Variants in TMEM163 observed in about 807,000 individuals in gnomAD.
TMEM163 encodes transmembrane protein 163.
Under a neutral mutation model 29.3 loss-of-function variants are expected in TMEM163, and 17 were observed. The ratio of observed to expected loss-of-function variants is 0.58; its 90% CI spans 0.40 to 0.87. The LOEUF (loss-of-function observed/expected upper bound fraction) is 0.87. Ranked by LOEUF, TMEM163 falls within the 40% of genes least tolerant of loss-of-function variation. The pLI is 0.00. For missense variants in TMEM163, 303 were observed against 381.5 expected (o/e 0.79, Z 1.71); for synonymous variants, 157 against 160.6 (o/e 0.98, Z 0.17).
chr2:134,521,209 G>A (rs938973787), intron 4 of TMEM163, among the ~76,000 whole-genome samples: 1 of 152,134 alleles, frequency 6.6e-6, no homozygotes, highest in Admixed American at 6.5e-5. Context: ...GAGTTAGCCA[G>A]GATGATCTTG....
At position 134,520,055 on chromosome 2, in the gene TMEM163, G is replaced by A. The variant is rs1307951738; in HGVS notation, c.459-17058C>T. Reference sequence around the variant, plus strand: ...CATGCCAACATAAAGATGAAGGGGCGTGGAGGAAGAAAACCTCATTCTCAT... The same window carrying A: ...CATGCCAACATAAAGATGAAGGGGCATGGAGGAAGAAAACCTCATTCTCAT... On this transcript the variant is annotated intron_variant, in intron 4 of 7. Coordinates refer to ENST00000281924, the MANE Select transcript of TMEM163 (RefSeq NM_030923.5). 1.3e-4 allele frequency among the ~76,000 whole-genome samples: 20 copies of A among 152,214 alleles called. No homozygotes were observed. The East Asian group carries it at 2.9e-3, about 22-fold the overall frequency.
intron 2 of TMEM163, among the ~76,000 whole-genome samples, chr2:134,616,164 G>A (rs1364985387): frequency 6.6e-6 from 1 of 152,184 alleles, no homozygotes; most frequent in Non-Finnish European, 1.5e-5. Context: ...TTTTTGAGAT[G>A]CTCAACGTAT....
chr2:134,517,631 A>C (rs1386447172), intron 4 of TMEM163, among the ~76,000 whole-genome samples: 1 of 152,216 alleles, frequency 6.6e-6, no homozygotes, highest in Non-Finnish European at 1.5e-5. Flanking sequence ...TCTTGTCATT[A>C]ACTTGGAAAA....
At chr2:134,655,831 C>T (rs1315937112) in intron 2 of TMEM163, among the ~76,000 whole-genome samples, 1 of 141,704 alleles carries the variant, frequency 7.1e-6, no homozygotes, top group Admixed American at 6.9e-5. Context: ...TCTGCCCCTG[C>T]TGGGGGGTGC....
At chr2:134,680,888 G>A (rs2104875322) in intron 2 of TMEM163, among the ~76,000 whole-genome samples, 1 of 152,300 alleles carries the variant, frequency 6.6e-6, no homozygotes, top group East Asian at 1.9e-4. Flanking sequence ...GTTGTCATGA[G>A]AATTACACAA....
At chr2:134,648,864 G>A (rs1050720674) in intron 2 of TMEM163, among the ~76,000 whole-genome samples, 1 of 152,066 alleles carries the variant, frequency 6.6e-6, no homozygotes, top group Non-Finnish European at 1.5e-5. Context: ...TAAATGATTC[G>A]CTTCAACCAG....
At chr2:134,709,670 C>T (rs1684885637) in intron 2 of TMEM163, among the ~76,000 whole-genome samples, 1 of 145,554 alleles carries the variant, frequency 6.9e-6, no homozygotes, top group Non-Finnish European at 1.5e-5. Context: ...CTGAATGGCC[C>T]TCTCCTCTCA....
intron 2 of TMEM163, among the ~76,000 whole-genome samples, chr2:134,681,039 C>A (rs1684219608): frequency 6.6e-6 from 1 of 152,202 alleles, no homozygotes; most frequent in Non-Finnish European, 1.5e-5. Flanking sequence ...ATCTTTATAA[C>A]CACTTGGATC....
chr2:134,713,481 A>G, intron 1 of TMEM163, 162 bp from the exon 2 acceptor site: 1 of 1,059,462 alleles, frequency 9.4e-7, no homozygotes, highest in South Asian at 1.3e-5. Flanking sequence ...TTCACATGAA[A>G]ATCAAGCTTT....
At chr2:134,616,499 A>G (rs1036580809) in intron 2 of TMEM163, among the ~76,000 whole-genome samples, 1 of 152,236 alleles carries the variant, frequency 6.6e-6, no homozygotes, top group African/African-American at 2.4e-5. Flanking sequence ...CTGCATTGAT[A>G]TGGTTACATT....
chr2:134,483,187 T>C (rs1156473378), intron 5 of TMEM163, among the ~76,000 whole-genome samples: 1 of 152,120 alleles, frequency 6.6e-6, no homozygotes, highest in African/African-American at 2.4e-5. Context: ...TGTTTTCTGA[T>C]ACAAGAGAAG....
chr2:134,573,890 C>G (rs1226361797), intron 2 of TMEM163, among the ~76,000 whole-genome samples: 2 of 152,134 alleles, frequency 1.3e-5, no homozygotes, highest in Admixed American at 1.3e-4. Flanking sequence ...TTCTAGAGCC[C>G]AGGAACCCAG....
intron 2 of TMEM163, among the ~76,000 whole-genome samples, chr2:134,621,505 C>A (rs1235660073): frequency 1.3e-5 from 2 of 152,212 alleles, no homozygotes; most frequent in African/African-American, 2.4e-5. Flanking sequence ...AACTATACAT[C>A]CATGCAAAGC....
intron 1 of TMEM163, 43 bp from the exon 2 acceptor site, chr2:134,713,362 T>C (rs1053152670): frequency 6.2e-7 from 1 of 1,610,130 alleles, no homozygotes. Flanking sequence ...ATTTCCTTAC[T>C]AAGAAACCCA....
intron 2 of TMEM163, among the ~76,000 whole-genome samples, chr2:134,569,213 C>G (rs898466318): frequency 6.6e-6 from 1 of 152,190 alleles, no homozygotes; most frequent in Non-Finnish European, 1.5e-5. Context: ...ACAGCATCAG[C>G]TTTACTTCTA....
intron 4 of TMEM163, among the ~76,000 whole-genome samples, chr2:134,512,252 G>A (rs562672194): frequency 3.3e-5 from 5 of 152,286 alleles, no homozygotes; most frequent in East Asian, 1.9e-4. Context: ...GAGGTCAGGA[G>A]GTCGAGACTA....
chr2:134,495,432 C>G (rs1387385094), intron 5 of TMEM163, among the ~76,000 whole-genome samples: 1 of 152,194 alleles, frequency 6.6e-6, no homozygotes, highest in Non-Finnish European at 1.5e-5. Flanking sequence ...CTCCTCAAGG[C>G]AAAACTCACT....
chr2:134,537,388 C>T (rs1680563334), intron 4 of TMEM163, among the ~76,000 whole-genome samples: 1 of 152,152 alleles, frequency 6.6e-6, no homozygotes, highest in African/African-American at 2.4e-5. Flanking sequence ...CTGGTGAGGG[C>T]CCTCCTCCTG....
chr2:134,579,837 AC>A (rs1681651233), intron 2 of TMEM163, among the ~76,000 whole-genome samples: 1 of 152,226 alleles, frequency 6.6e-6, no homozygotes, highest in Admixed American at 6.5e-5. Flanking sequence ...CACATAGTAA[AC>A]AATTTACTGC....
Sources: gnomAD v4.1 joint callset for allele counts (sites outside exome capture counted in the v4.1 genomes callset) on GRCh38, gnomAD v4.1.1 for gene constraint, MANE v1.5 for transcripts, NCBI Gene and HGNC (gene_info 2026-07-23, HGNC 2026-07-21) for gene names.